Variants in COL5A3 observed in about 807,000 individuals in gnomAD.
The protein encoded by COL5A3 is collagen type V alpha 3 chain.
A neutral mutation model predicts 250.0 loss-of-function variants in COL5A3; 172 were observed. That is an observed-to-expected ratio of 0.69 (90% CI 0.61 to 0.78). The LOEUF (loss-of-function observed/expected upper bound fraction) is 0.78. Among genes scored for constraint, COL5A3 ranks in the 30% least tolerant of loss-of-function variants. The pLI is 0.00. For missense variants in COL5A3, 2,340 were observed against 2,334.4 expected (o/e 1.00, Z -0.05); for synonymous variants, 937 against 900.4 (o/e 1.04, Z -0.73).
chr19:9,974,474 A>G, intron 45 of COL5A3, 66 bp from the exon 46 acceptor site: 1 of 1,256,280 alleles, frequency 8.0e-7, no homozygotes, highest in Non-Finnish European at 1.1e-6. Flanking sequence ...GTGAGGCTCA[A>G]GGGTCAAGAC....
At chr19:9,962,763 C>G (rs1050339084) in intron 65 of COL5A3, 56 bp downstream of exon 65, 3 of 1,412,022 alleles carry the variant, frequency 2.1e-6, no homozygotes, top group South Asian at 2.4e-5. Flanking sequence ...CTCAAACCCC[C>G]CTGCTGGTTC....
intron 1 of COL5A3, among the ~76,000 whole-genome samples, chr19:10,006,747 C>T (rs1308173384): frequency 1.3e-5 from 2 of 152,080 alleles, no homozygotes; most frequent in African/African-American, 2.4e-5. Context: ...TTTTGGATCT[C>T]CTCCCTCTGA....
chr19:9,967,145 TGTCCCCCCAA>T (rs929280422), intron 62 of COL5A3, among the ~76,000 whole-genome samples, 192 bp downstream of exon 62: 41 of 152,030 alleles, frequency 2.7e-4, no homozygotes, highest in African/African-American at 9.4e-4. Flanking sequence ...CCCCCATGGG[TGTCCCCCCAA>T]GTCCCCCCTC....
intron 45 of COL5A3, among the ~76,000 whole-genome samples, chr19:9,974,731 T>C (rs1259335840): frequency 6.6e-6 from 1 of 150,452 alleles, no homozygotes; most frequent in African/African-American, 2.4e-5. Flanking sequence ...TGAGTTCAGG[T>C]CTGGGGTCAG....
chr19:9,998,982 CTCCT>C (rs139008590), intron 8 of COL5A3, among the ~76,000 whole-genome samples: 4,876 of 150,934 alleles, frequency 0.032, 277 homozygotes, highest in African/African-American at 0.11. Context: ...CCATGCTTGG[CTCCT>C]TCCTTCCTTC....
chr19:9,981,250 A>G, intron 32 of COL5A3, 118 bp from the exon 33 acceptor site: 2 of 884,088 alleles, frequency 2.3e-6, no homozygotes, highest in Admixed American at 1.8e-5. Flanking sequence ...ATTTATTCAC[A>G]AGCTTTTCAG....
chr19:9,999,009 T>C (rs2087312961), intron 8 of COL5A3, among the ~76,000 whole-genome samples: 2 of 117,910 alleles, frequency 1.7e-5, no homozygotes, highest in Non-Finnish European at 3.8e-5. Context: ...TTCTTTCTTT[T>C]CTTTCTTTCT....
At chr19:9,994,649 G>T (rs1227694707) in intron 16 of COL5A3, among the ~76,000 whole-genome samples, 1 of 132,250 alleles carries the variant, frequency 7.6e-6, no homozygotes, top group Non-Finnish European at 1.6e-5. Context: ...TCTGAGAAAT[G>T]CATCAGTGGG....
Position 9,968,927 on chromosome 19 carries a change from G to A in COL5A3, c.4153-199C>T, listed in dbSNP as rs181990683. 1.3e-5 allele frequency: 8 copies of A among 639,532 alleles called. No homozygotes were observed. Among genetic ancestry groups the A allele is most frequent in the African/African-American group, 9.2e-5 (5 of 54,346 alleles). The allele number at this position is 639,532 out of a possible 1,614,324, so 39.6% of individuals were successfully genotyped here. On this transcript the variant is annotated intron_variant, in intron 57 of 66. Coordinates refer to ENST00000264828, the MANE Select transcript of COL5A3 (RefSeq NM_015719.4). This position sits in a 1 kb window ranked among gnomAD's most constrained non-coding sequence, Gnocchi z 4.1. ...AGGGGTTGACTGGAGGATGGACAAC[G>A]TGAGTGGTCAGTGGCCAAGGTCAGC...
At chr19:9,973,115 T>C in intron 50 of COL5A3, 89 bp from the exon 51 acceptor site, 1 of 1,245,060 alleles carries the variant, frequency 8.0e-7, no homozygotes, top group Non-Finnish European at 1.1e-6. Flanking sequence ...TGGGGTGGTC[T>C]GGGACTTTTC....
At chr19:9,978,139 A>G (rs1029154857) in intron 41 of COL5A3, among the ~76,000 whole-genome samples, 1 of 151,846 alleles carries the variant, frequency 6.6e-6, no homozygotes, top group East Asian at 1.9e-4. Context: ...TTGATGGCCA[A>G]TGCACAGGTA....
At chr19:9,967,592 T>C in intron 61 of COL5A3, 192 bp from the exon 62 acceptor site, 1 of 583,210 alleles carries the variant, frequency 1.7e-6, no homozygotes, top group Non-Finnish European at 3.0e-6. Flanking sequence ...TTTTCAGCAT[T>C]AGGCATCAGA....
Position 9,993,032 on chromosome 19 carries a change from A to C in COL5A3, c.1785T>G (p.Ala595=). The change falls in exon 20 of 67, where the codon GCT becomes GCG. Residue 595 remains alanine (A), a synonymous_variant. Coordinates refer to ENST00000264828, the MANE Select transcript of COL5A3 (RefSeq NM_015719.4). ...GATCCCTGATACTCACCGGCTCCCC[A>C]GCCTGGCCAGTGGGCCCTGGAGGTC... The part of the protein sequence containing the change: ...AEGPPGPTGQ[A]GEPGPRGLLG... 1 of 1,613,780 alleles carries C rather than the reference A, an allele frequency of 6.2e-7. No homozygotes were observed. Among genetic ancestry groups the C allele is most frequent in the South Asian group, 1.1e-5 (1 of 91,046 alleles).
chr19:9,970,071 G>GTGAGTGGTGT lies in COL5A3; in HGVS notation c.3937-150_3937-149insACACCACTCA, dbSNP rs1568406975. On this transcript the variant is annotated intron_variant, in intron 54 of 66. Transcript: ENST00000264828. ...GTGAATGAGGTCTGGGTGAGTGGGGGCTGTGGGTGAGTGGGGGCTGTGGCT... is the reference window on the plus strand; with the variant it reads ...GTGAATGAGGTCTGGGTGAGTGGGGGTGAGTGGTGTCTGTGGGTGAGTGGGGGCTGTGGCT... 11 of 257,038 alleles carry GTGAGTGGTGT rather than the reference G, an allele frequency of 4.3e-5. 4 individuals carry two copies. The African/African-American group carries it at 9.2e-4, about 22-fold the overall frequency. The allele number at this position is 257,038 out of a possible 1,614,324, so 15.9% of individuals were successfully genotyped here. A position where few individuals can be genotyped will look rare whatever the true frequency, so the allele number is the denominator to read the frequency against.
At chr19:9,989,100 C>G (rs1259107278) in intron 27 of COL5A3, 24 bp downstream of exon 27, 1 of 1,612,410 alleles carries the variant, frequency 6.2e-7, no homozygotes, top group African/African-American at 1.3e-5. Context: ...GTAAATCACT[C>G]ATACCTGCAA....
In COL5A3 at chr19:9,968,175, C is replaced by T. The variant is rs2086780878; in HGVS notation, c.4315-96G>A. On this transcript the variant is annotated intron_variant, in intron 59 of 66. Coordinates refer to ENST00000264828, the MANE Select transcript of COL5A3 (RefSeq NM_015719.4). The surrounding 1 kb of genome is among the most constrained non-coding windows in gnomAD (Gnocchi z 4.1). Reference sequence around the variant, plus strand: ...CTTCAATCCTACCAAAGGAAGACCCCGAACCCTAGACAAGCCTCCAGTTCC... The same window carrying T: ...CTTCAATCCTACCAAAGGAAGACCCTGAACCCTAGACAAGCCTCCAGTTCC... The T allele has an allele frequency of 9.5e-6, 12 of 1,268,628 alleles. No individual in the cohort carries two copies. The highest frequency in any genetic ancestry group is 2.7e-5 in the South Asian group (2 of 73,898). The allele number at this position is 1,268,628 out of a possible 1,614,324, so 78.6% of individuals were successfully genotyped here.
At chr19:9,983,583 A>G (rs1364382295) in intron 31 of COL5A3, among the ~76,000 whole-genome samples, 3 of 123,090 alleles carry the variant, frequency 2.4e-5, no homozygotes, top group African/African-American at 9.4e-5. Flanking sequence ...AAAGAAAGAA[A>G]GAAAGAAAGA....
intron 1 of COL5A3, among the ~76,000 whole-genome samples, chr19:10,006,938 C>T (rs1265423748): frequency 6.6e-6 from 1 of 152,056 alleles, no homozygotes; most frequent in Non-Finnish European, 1.5e-5. Context: ...CTAACCTCTT[C>T]CCTCTGACCC....
intron 62 of COL5A3, among the ~76,000 whole-genome samples, chr19:9,967,136 C>T (rs1312813093): frequency 6.6e-6 from 1 of 152,046 alleles, no homozygotes; most frequent in Non-Finnish European, 1.5e-5. Flanking sequence ...AGGTCAGAGC[C>T]CCCATGGGTG....
Sources: allele counts gnomAD v4.1 joint callset (sites outside exome capture counted in the v4.1 genomes callset), GRCh38; gene constraint gnomAD v4.1.1; non-coding constraint Gnocchi (gnomAD v3.1); transcripts MANE v1.5; gene names NCBI Gene and HGNC (gene_info 2026-07-23, HGNC 2026-07-21).